The following HAUS1 variants were observed in gnomAD, a reference collection of about 807,000 sequenced individuals.
The protein encoded by HAUS1 is HAUS augmin-like complex subunit 1.
In HAUS1, 25 loss-of-function variants were observed where a neutral mutation model predicts 38.6. The ratio of observed to expected loss-of-function variants is 0.65; its 90% CI spans 0.47 to 0.91. The LOEUF (loss-of-function observed/expected upper bound fraction) is 0.91, where lower values mean the gene tolerates loss of function less well. Among genes scored for constraint, HAUS1 ranks in the 40% least tolerant of loss-of-function variants. The pLI is 0.00. For missense variants in HAUS1, 325 were observed against 328.4 expected, an observed-to-expected ratio of 0.99 and a Z score of 0.08; for synonymous variants, 109 against 112.9, an observed-to-expected ratio of 0.97 and a Z score of 0.22.
At chr18:46,110,346 T>G (rs867640116) in intron 2 of HAUS1, among the ~76,000 whole-genome samples, 29 of 114,334 alleles carry the variant, frequency 2.5e-4, no homozygotes, top group African/African-American at 5.2e-4. Flanking sequence ...TTTTTTTTTT[T>G]TTTTTTTTTT....
intron 1 of HAUS1, among the ~76,000 whole-genome samples, 182 bp downstream of exon 1, chr18:46,104,623 T>G (rs1181120174): frequency 6.6e-6 from 1 of 152,186 alleles, no homozygotes; most frequent in African/African-American, 2.4e-5. Context: ...CCTGAAGGCC[T>G]TTCCCTTCCT....
At chr18:46,116,819 C>T (rs1911809041) in intron 2 of HAUS1, among the ~76,000 whole-genome samples, 1 of 152,040 alleles carries the variant, frequency 6.6e-6, no homozygotes, top group Admixed American at 6.6e-5. Context: ...TCAAGACCAG[C>T]CTGGGCAACA....
At chr18:46,116,221 T>C (rs1027021184) in intron 2 of HAUS1, among the ~76,000 whole-genome samples, 1 of 152,084 alleles carries the variant, frequency 6.6e-6, no homozygotes, top group African/African-American at 2.4e-5. Flanking sequence ...TTTGTAAATA[T>C]ATCTGATATG....
chr18:46,111,291 A>G (rs1373969491), intron 2 of HAUS1, among the ~76,000 whole-genome samples: 1 of 152,034 alleles, frequency 6.6e-6, no homozygotes, highest in South Asian at 2.1e-4. Context: ...TTGAATGAGC[A>G]TGGTAAATTT....
At chr18:46,108,572 G>A (rs1412850678) in intron 2 of HAUS1, among the ~76,000 whole-genome samples, 2 of 152,086 alleles carry the variant, frequency 1.3e-5, no homozygotes, top group African/African-American at 4.8e-5. Flanking sequence ...GAATTTACAA[G>A]TACAAATTTC....
chr18:46,121,501 T>A (rs1241444446), intron 4 of HAUS1: 1 of 151,972 alleles, frequency 6.6e-6, no homozygotes, highest in African/African-American at 2.4e-5. Context: ...ATTATTATTA[T>A]TTTTTAAACA....
chr18:46,113,984 C>G (rs1911740434), intron 2 of HAUS1, among the ~76,000 whole-genome samples: 1 of 152,180 alleles, frequency 6.6e-6, no homozygotes, highest in Non-Finnish European at 1.5e-5. Context: ...TCCTCTCTTT[C>G]ACTGAGCACA....
chr18:46,121,831 ATTAT>A (rs1000941250), intron 4 of HAUS1: 60 of 152,144 alleles, frequency 3.9e-4, no homozygotes, highest in African/African-American at 1.3e-3. Context: ...CTACAAAAAA[ATTAT>A]TTATTTTATT....
chr18:46,106,244 G>A (rs1391741162), intron 2 of HAUS1, among the ~76,000 whole-genome samples: 2 of 152,178 alleles, frequency 1.3e-5, no homozygotes, highest in Non-Finnish European at 2.9e-5. Context: ...GCCGAGGCGG[G>A]CGGATCACAA....
intron 2 of HAUS1, 182 bp downstream of exon 2, chr18:46,105,550 ATGTGTGTGTGTGTG>A (rs34943742): frequency 1.8e-4 from 49 of 270,656 alleles, no homozygotes; most frequent in Admixed American, 6.4e-4. Context: ...ATGTATATGT[ATGTGTGTGTGTGTG>A]TGTGTGTGTG....
chr18:46,112,164 C>A (rs983531018), intron 2 of HAUS1, among the ~76,000 whole-genome samples: 2 of 148,852 alleles, frequency 1.3e-5, no homozygotes, highest in Admixed American at 1.4e-4. Flanking sequence ...GGATTACAGG[C>A]GTGAACTACC....
chr18:46,127,943 AT>A, intron 8 of HAUS1, 131 bp from the exon 9 acceptor site: 1 of 484,654 alleles, frequency 2.1e-6, no homozygotes, highest in South Asian at 4.6e-5. Flanking sequence ...CATATTTGAT[AT>A]TCATAATGGT....
chr18:46,125,826 AAAAAG>A (rs1163110343), intron 8 of HAUS1, 35 bp downstream of exon 8: 5 of 1,398,556 alleles, frequency 3.6e-6, no homozygotes, highest in Non-Finnish European at 5.0e-6. Flanking sequence ...AGATTTTTTT[AAAAAG>A]AAAATAAATG....
At chr18:46,122,423 T>A in intron 4 of HAUS1, 44 bp from the exon 5 acceptor site, 15 of 1,594,478 alleles carry the variant, frequency 9.4e-6, no homozygotes, top group Non-Finnish European at 1.3e-5. Flanking sequence ...ATACTTTTAC[T>A]GAGAAGAAGA....
chr18:46,125,140 G>A (rs1912063603), intron 7 of HAUS1, among the ~76,000 whole-genome samples: 1 of 151,010 alleles, frequency 6.6e-6, no homozygotes, highest in South Asian at 2.1e-4. Flanking sequence ...CGCAACTGTA[G>A]TCCCAGCTAC....
chr18:46,121,241 G>C (rs1197290152), intron 4 of HAUS1, among the ~76,000 whole-genome samples: 1 of 152,028 alleles, frequency 6.6e-6, no homozygotes, highest in African/African-American at 2.4e-5. Context: ...CCAGGCTAGA[G>C]TGCAATGGCG....
intron 2 of HAUS1, among the ~76,000 whole-genome samples, chr18:46,106,125 A>G (rs1304506529): frequency 6.6e-6 from 1 of 152,170 alleles, no homozygotes. Flanking sequence ...CTCTATGACT[A>G]CGTATCAGGA....
chr18:46,118,937 G>A (rs894260680), intron 3 of HAUS1, among the ~76,000 whole-genome samples: 27 of 152,174 alleles, frequency 1.8e-4, no homozygotes, highest in African/African-American at 6.0e-4. Context: ...GCGTGATCTC[G>A]GCTCCCTACA....
intron 2 of HAUS1, among the ~76,000 whole-genome samples, chr18:46,106,183 A>G (rs1034684252): frequency 6.6e-6 from 1 of 152,198 alleles, no homozygotes. Flanking sequence ...GAAAAAGTGC[A>G]TTCAAGGCCG....
Sources: allele counts gnomAD v4.1 joint callset (sites outside exome capture counted in the v4.1 genomes callset), GRCh38; gene constraint gnomAD v4.1.1; transcripts MANE v1.5; gene names NCBI Gene and HGNC (gene_info 2026-07-23, HGNC 2026-07-21).